Variants in ADAMTS3 observed in about 807,000 individuals in gnomAD.
ADAMTS3 encodes the protein A disintegrin and metalloproteinase with thrombospondin motifs 3.
In ADAMTS3, 73 loss-of-function variants were observed where a neutral mutation model predicts 129.0. That is an observed-to-expected ratio of 0.57 (90% confidence interval 0.47 to 0.69). The LOEUF (loss-of-function observed/expected upper bound fraction) is 0.69. ADAMTS3 is among the 30% of genes least tolerant of loss of function. ADAMTS3 has a pLI of 0.00. For missense variants in ADAMTS3, 1,457 were observed against 1,514.5 expected (o/e 0.96, Z 0.63); for synonymous variants, 477 against 510.8 (o/e 0.93, Z 0.89).
rs563582027 is a variant in ADAMTS3, at chr4:72,520,442, A to C, written c.504+28036T>G. Reference sequence around the variant, plus strand: ...TTGTTTGTCTGTGCCCTGCCCCCAGAGGTGGAGCCTACACAGACAGGCAGG... The same window carrying C: ...TTGTTTGTCTGTGCCCTGCCCCCAGCGGTGGAGCCTACACAGACAGGCAGG... On this transcript the variant is annotated intron_variant, in intron 3 of 21. Coordinates refer to ENST00000286657, the MANE Select transcript of ADAMTS3 (RefSeq NM_014243.3). Among the ~76,000 whole-genome samples the C allele has an allele frequency of 5.3e-5, 8 of 152,286 alleles. No individual in the cohort carries two copies. In the East Asian group the frequency reaches 1.6e-3, roughly 30 times the overall value.
intron 3 of ADAMTS3, among the ~76,000 whole-genome samples, chr4:72,528,533 A>C (rs552635569): frequency 2.0e-5 from 3 of 151,720 alleles, no homozygotes; most frequent in Non-Finnish European, 4.4e-5. Context: ...AAAAAAAAAA[A>C]AAAAAACAGA....
At chr4:72,563,465 C>T (rs942088763) in intron 2 of ADAMTS3, among the ~76,000 whole-genome samples, 6 of 151,988 alleles carry the variant, frequency 3.9e-5, no homozygotes, top group African/African-American at 1.2e-4. Flanking sequence ...TTTCCTGATG[C>T]CAGCAATAGG....
chr4:72,474,569 T>C (rs867186332), intron 3 of ADAMTS3, among the ~76,000 whole-genome samples: 2 of 151,730 alleles, frequency 1.3e-5, no homozygotes, highest in South Asian at 2.1e-4. Flanking sequence ...GGAAACAATA[T>C]ACTTAAAAAA....
intron 3 of ADAMTS3, among the ~76,000 whole-genome samples, chr4:72,523,972 G>A (rs1448387072): frequency 6.6e-6 from 1 of 152,018 alleles, no homozygotes; most frequent in Non-Finnish European, 1.5e-5. Flanking sequence ...CTTTTCTATT[G>A]TTAGGAAACT....
chr4:72,559,873 C>G lies in ADAMTS3; in HGVS notation c.97+7501G>C, dbSNP rs7657527. ...AAATTCATATGGAACCAAAAAAGAG[C>G]TCATATAGCCAAGACAGTCCTAAAC... On this transcript the variant is annotated intron_variant, in intron 2 of 21. Transcript: ENST00000286657. Among the ~76,000 whole-genome samples, 32 of 151,622 alleles carry G rather than the reference C, an allele frequency of 2.1e-4. 1 individual carries two copies. The highest frequency in any genetic ancestry group is 7.6e-4 in the African/African-American group (31 of 40,896).
chr4:72,283,035 A>G lies in ADAMTS3; in HGVS notation c.*101T>C. On this transcript the variant is annotated 3_prime_UTR_variant, in exon 22 of 22. Transcript: ENST00000286657. ...TTCCAATTACAGATAAAATGAGCTG[A>G]CGATCTATAGAGATTTCCACTTTAA... 9.8e-7 allele frequency: 1 copy of G among 1,015,236 alleles called. No homozygotes were observed. The highest frequency in any genetic ancestry group is 1.4e-6 in the Non-Finnish European group (1 of 690,012). The allele number at this position is 1,015,236 out of a possible 1,614,324, so 62.9% of individuals were successfully genotyped here. A position where few individuals can be genotyped will look rare whatever the true frequency, so the allele number is the denominator to read the frequency against.
At chr4:72,558,718 C>T (rs1009797943) in intron 2 of ADAMTS3, among the ~76,000 whole-genome samples, 2 of 151,608 alleles carry the variant, frequency 1.3e-5, no homozygotes, top group East Asian at 1.9e-4. Flanking sequence ...CTTCAGCATG[C>T]ATCCCTCCTT....
chr4:72,400,039 G>A (rs1311273152), intron 4 of ADAMTS3, among the ~76,000 whole-genome samples: 6 of 14,630 alleles, frequency 4.1e-4, no homozygotes, highest in Non-Finnish European at 6.2e-4. Context: ...GTGTATATAT[G>A]CACACACGGT....
chr4:72,439,601 A>G (rs902061337), intron 3 of ADAMTS3, among the ~76,000 whole-genome samples: 1 of 151,692 alleles, frequency 6.6e-6, no homozygotes, highest in East Asian at 1.9e-4. Flanking sequence ...AAAAAATCAT[A>G]TTATTTAGAT....
rs536144483 is a variant in ADAMTS3, at chr4:72,311,838, A to G, written c.1921+453T>C. ...AAACATTAAAAGAAAATTTCCAAATATATCTTTAAACTATAGTAAAAAAGT... is the reference window on the plus strand; with the variant it reads ...AAACATTAAAAGAAAATTTCCAAATGTATCTTTAAACTATAGTAAAAAAGT... On this transcript the variant is annotated intron_variant, in intron 13 of 21. Coordinates refer to ENST00000286657, the MANE Select transcript of ADAMTS3 (RefSeq NM_014243.3). Among the ~76,000 whole-genome samples, 5 of 152,308 alleles carry G rather than the reference A, an allele frequency of 3.3e-5. No homozygotes were observed. The South Asian group carries it at 6.2e-4, about 19-fold the overall frequency.
intron 3 of ADAMTS3, among the ~76,000 whole-genome samples, chr4:72,434,521 G>A (rs1722773840): frequency 6.6e-6 from 1 of 151,714 alleles, no homozygotes; most frequent in African/African-American, 2.4e-5. Context: ...GTTGGGTCTT[G>A]TAGTAGGCAG....
At chr4:72,505,662 C>G (rs1408558460) in intron 3 of ADAMTS3, among the ~76,000 whole-genome samples, 4 of 152,206 alleles carry the variant, frequency 2.6e-5, no homozygotes, top group Non-Finnish European at 5.9e-5. Context: ...GGGCAGCCAC[C>G]AAGTACCCAG....
intron 3 of ADAMTS3, among the ~76,000 whole-genome samples, chr4:72,494,308 G>T (rs942980689): frequency 2.0e-5 from 3 of 151,746 alleles, no homozygotes; most frequent in Admixed American, 2.0e-4. Flanking sequence ...CCAAACCATG[G>T]GTCCTCACAT....
chr4:72,481,990 T>C (rs1308944393), intron 3 of ADAMTS3, among the ~76,000 whole-genome samples: 2 of 151,998 alleles, frequency 1.3e-5, no homozygotes, highest in Non-Finnish European at 2.9e-5. Context: ...GGCAAAAACA[T>C]AGTGACATCA....
intron 4 of ADAMTS3, among the ~76,000 whole-genome samples, chr4:72,373,908 TAATAATAATAATAATAATAATAA>T (rs1169666400): frequency 3.1e-4 from 1 of 3,262 alleles, no homozygotes; most frequent in Non-Finnish European, 0.042. Context: ...AAAATAATAA[TAATAATAATAATAATAATAATAA>T]TAATAATAAT....
intron 3 of ADAMTS3, among the ~76,000 whole-genome samples, chr4:72,523,694 C>A (rs866522767): frequency 1.3e-5 from 2 of 151,966 alleles, no homozygotes; most frequent in Non-Finnish European, 2.9e-5. Context: ...GCAACCCACT[C>A]AAAATGACTC....
At chr4:72,345,553 T>C (rs1047407429) in intron 4 of ADAMTS3, among the ~76,000 whole-genome samples, 1 of 152,126 alleles carries the variant, frequency 6.6e-6, no homozygotes, top group Non-Finnish European at 1.5e-5. Flanking sequence ...AACTGAGAAA[T>C]TCCATAATGA....
chr4:72,315,461 G>A (rs998932016), intron 11 of ADAMTS3, among the ~76,000 whole-genome samples: 3 of 152,146 alleles, frequency 2.0e-5, no homozygotes, highest in African/African-American at 7.2e-5. Flanking sequence ...GGCCACAGAA[G>A]CAGAAACTGG....
intron 4 of ADAMTS3, among the ~76,000 whole-genome samples, chr4:72,387,799 G>A (rs958645917): frequency 6.6e-6 from 1 of 151,994 alleles, no homozygotes; most frequent in African/African-American, 2.4e-5. Context: ...TCTCTTCCTA[G>A]TTGATTAAAA....
Sources: allele counts gnomAD v4.1 joint callset (sites outside exome capture counted in the v4.1 genomes callset), GRCh38; gene constraint gnomAD v4.1.1; transcripts MANE v1.5; gene names NCBI Gene and HGNC (gene_info 2026-07-23, HGNC 2026-07-21).